RPS6KA2: variants seen among roughly 807,000 people sequenced by gnomAD.
RPS6KA2 encodes ribosomal protein S6 kinase A2.
RPS6KA2 carries 42 observed loss-of-function variants against 91.8 expected under a neutral mutation model. The ratio of observed to expected loss-of-function variants is 0.46; its 90% CI spans 0.36 to 0.59. The LOEUF is 0.59. RPS6KA2 is among the 20% of genes least tolerant of loss of function. The probability of loss-of-function intolerance (pLI) is 0.00; values close to 1 mark genes in which losing one functional copy is unlikely to be tolerated. For missense variants in RPS6KA2, 798 were observed against 978.5 expected, an observed-to-expected ratio of 0.82 and a Z score of 2.46; for synonymous variants, 414 against 393.6, an observed-to-expected ratio of 1.05 and a Z score of -0.61.
At chr6:166,473,967 T>A (rs1182274811) in intron 10 of RPS6KA2, among the ~76,000 whole-genome samples, 4 of 151,616 alleles carry the variant, frequency 2.6e-5, no homozygotes, top group Non-Finnish European at 5.9e-5. Flanking sequence ...TTTGGCCAAT[T>A]TGAAATTTCA....
exon 1 of RPS6KA2, chr6:166,862,227 G>C (rs1191256840): frequency 1.2e-6 from 2 of 1,612,414 alleles, no homozygotes; most frequent in East Asian, 2.2e-5. Flanking sequence ...GAAATAAACA[G>C]AGGCTCGGAC....
At chr6:166,649,762 C>T (rs1787790288) in intron 2 of RPS6KA2, among the ~76,000 whole-genome samples, 2 of 152,176 alleles carry the variant, frequency 1.3e-5, no homozygotes, top group African/African-American at 2.4e-5. Context: ...GGGGGGTTTT[C>T]GTTCCACATC....
intron 9 of RPS6KA2, among the ~76,000 whole-genome samples, chr6:166,489,139 GAAAGT>G (rs1391398608): frequency 6.6e-6 from 1 of 152,118 alleles, no homozygotes; most frequent in Non-Finnish European, 1.5e-5. Context: ...TACCACAGTA[GAAAGT>G]AAAGTGAGAA....
At chr6:166,653,091 C>T (rs1339927522) in intron 2 of RPS6KA2, among the ~76,000 whole-genome samples, 3 of 152,236 alleles carry the variant, frequency 2.0e-5, no homozygotes, top group East Asian at 1.9e-4. Flanking sequence ...GAGGGAGTCT[C>T]GTTCTGTCTC....
At chr6:166,442,895 G>C (rs144330310) in intron 14 of RPS6KA2, among the ~76,000 whole-genome samples, 1 of 152,302 alleles carries the variant, frequency 6.6e-6, no homozygotes, top group East Asian at 1.9e-4. Flanking sequence ...TGTGTAGACA[G>C]TTGACCCTTG....
intron 2 of RPS6KA2, among the ~76,000 whole-genome samples, chr6:166,722,671 T>C (rs139572317): frequency 6.1e-4 from 93 of 152,348 alleles, no homozygotes; most frequent in Admixed American, 5.4e-3. Flanking sequence ...TGCCCGAGCT[T>C]GTTGTGGATG....
intron 1 of RPS6KA2, among the ~76,000 whole-genome samples, chr6:166,571,252 A>G (rs1784678399): frequency 6.6e-6 from 1 of 152,250 alleles, no homozygotes; most frequent in Non-Finnish European, 1.5e-5. Flanking sequence ...GTCCTTCTCC[A>G]GTTGCCATCA....
Position 166,566,192 on chromosome 6 carries a change from C to T in RPS6KA2, c.100-27408G>A, listed in dbSNP as rs144761796. Among the ~76,000 whole-genome samples, 483 of 152,272 alleles carry T rather than the reference C, an allele frequency of 3.2e-3. 3 individuals are homozygous for T. Among genetic ancestry groups the T allele is most frequent in the African/African-American group, 9.5e-3 (396 of 41,552 alleles). On this transcript the variant is annotated intron_variant, in intron 1 of 20. Transcript: ENST00000265678. ...CTGGGACGTGATGGCCTTGGCTGGG[C>T]GCAGGCTGCTACTGCAGGGGAGGCC...
intron 2 of RPS6KA2, among the ~76,000 whole-genome samples, chr6:166,673,313 A>G (rs1040443): frequency 0.53 from 80,748 of 151,980 alleles, 22,745 homozygotes; most frequent in African/African-American, 0.73. Flanking sequence ...GGAAGCACTG[A>G]TCCTGGGTGC....
intron 14 of RPS6KA2, among the ~76,000 whole-genome samples, chr6:166,441,980 C>T (rs1430027274): frequency 1.3e-5 from 2 of 152,188 alleles, no homozygotes; most frequent in Non-Finnish European, 2.9e-5. Context: ...GGCTGCCGCT[C>T]AGCACTTACA....
intron 2 of RPS6KA2, among the ~76,000 whole-genome samples, chr6:166,687,721 A>ATT (rs1789069164): frequency 6.6e-6 from 1 of 152,244 alleles, no homozygotes; most frequent in East Asian, 1.9e-4. Context: ...GTTCAAACAA[A>ATT]TTTAAGTTGG....
Position 166,821,337 on chromosome 6 carries a change from T to C in RPS6KA2, c.123+36863A>G, listed in dbSNP as rs902211929. On this transcript the variant is annotated intron_variant, in intron 2 of 21. Coordinates refer to the RPS6KA2 transcript ENST00000503859. The surrounding 1 kb of genome is among the most constrained non-coding windows in gnomAD (Gnocchi z 4.1). ...CTTCAATTCCCTCTGGGGAGGGGCCTGGTTGTCCTCTTTGGGTGGCTTAGC... is the reference window on the plus strand; with the variant it reads ...CTTCAATTCCCTCTGGGGAGGGGCCCGGTTGTCCTCTTTGGGTGGCTTAGC... Among the ~76,000 whole-genome samples the C allele has an allele frequency of 6.6e-6, 1 of 151,994 alleles. No individual in the cohort carries two copies.
rs1421965615 is a variant in RPS6KA2, at chr6:166,493,042, T to C, written c.748-2301A>G. On this transcript the variant is annotated intron_variant, in intron 8 of 20. Coordinates refer to ENST00000265678, the MANE Select transcript of RPS6KA2 (RefSeq NM_021135.6). This position sits in a 1 kb window ranked among gnomAD's most constrained non-coding sequence, Gnocchi z 4.7. ...CCACTGCGCCTGGTCTGGTGATTTCTTTTTAGCTTTTGAAGATGATTCCCT... is the reference window on the plus strand; with the variant it reads ...CCACTGCGCCTGGTCTGGTGATTTCCTTTTAGCTTTTGAAGATGATTCCCT... Among the ~76,000 whole-genome samples the C allele has an allele frequency of 6.6e-6, 1 of 152,136 alleles. No homozygotes were observed. Among genetic ancestry groups the C allele is most frequent in the Non-Finnish European group, 1.5e-5 (1 of 68,016 alleles).
rs1454385628 is a variant in RPS6KA2 at position 166,746,435 on chromosome 6, C to T, written c.123+111765G>A. 4.6e-5 allele frequency among the ~76,000 whole-genome samples: 7 copies of T among 152,190 alleles called. No homozygotes were observed. In the South Asian group the frequency reaches 1.4e-3, roughly 32 times the overall value. On this transcript the variant is annotated intron_variant, in intron 2 of 21. Coordinates refer to the RPS6KA2 transcript ENST00000503859. ...AAGTGTTTATCCTACTCTGTACTCT[C>T]AGGCAATACCACATTTCACCTGCAG...
chr6:166,437,484 C>T lies in RPS6KA2; in HGVS notation c.1333-4994G>A, dbSNP rs1020858955. Among the ~76,000 whole-genome samples the T allele has an allele frequency of 2.0e-5, 3 of 152,176 alleles. No homozygotes were observed. The highest frequency in any genetic ancestry group is 2.1e-4 in the South Asian group (1 of 4,826). ...TGTCGTGGGGCGGGGGACAAGCTCGCTCAGCTTTCTTTTTCTCATCTGGCA... is the reference window on the plus strand; with the variant it reads ...TGTCGTGGGGCGGGGGACAAGCTCGTTCAGCTTTCTTTTTCTCATCTGGCA... On this transcript the variant is annotated intron_variant, in intron 14 of 20. Coordinates refer to ENST00000265678, the MANE Select transcript of RPS6KA2 (RefSeq NM_021135.6). The surrounding 1 kb of genome is among the most constrained non-coding windows in gnomAD (Gnocchi z 4.3).
At chr6:166,722,081 A>G (rs1404198084) in intron 2 of RPS6KA2, among the ~76,000 whole-genome samples, 1 of 152,220 alleles carries the variant, frequency 6.6e-6, no homozygotes, top group Non-Finnish European at 1.5e-5. Flanking sequence ...ATCAGAATAT[A>G]ATACAATCAG....
At chr6:166,652,102 T>A (rs1787871675) in intron 2 of RPS6KA2, among the ~76,000 whole-genome samples, 1 of 152,270 alleles carries the variant, frequency 6.6e-6, no homozygotes, top group African/African-American at 2.4e-5. Flanking sequence ...TTTTTGAACA[T>A]CTTCACATAT....
rs1562429634 is a variant in RPS6KA2 at position 166,770,867 on chromosome 6, A to G, written c.123+87333T>C. On this transcript the variant is annotated intron_variant, in intron 2 of 21. Coordinates refer to the RPS6KA2 transcript ENST00000503859. The surrounding 1 kb of genome is among the most constrained non-coding windows in gnomAD (Gnocchi z 5.1). ...ACCCACAGGAACGCTTCTTACCTCT[A>G]CGGATCCAGCTACCTTTGTCTTGCA... The G allele has an allele frequency of 1.3e-6, 2 of 1,596,080 alleles. No individual in the cohort carries two copies. Among genetic ancestry groups the G allele is most frequent in the Non-Finnish European group, 1.7e-6 (2 of 1,179,274 alleles).
At chr6:166,672,755 C>G (rs1441441344) in intron 2 of RPS6KA2, among the ~76,000 whole-genome samples, 1 of 152,236 alleles carries the variant, frequency 6.6e-6, no homozygotes, top group Admixed American at 6.5e-5. Flanking sequence ...CCACCATCCC[C>G]TGTGTCCCAG....
Sources: allele counts gnomAD v4.1 joint callset (sites outside exome capture counted in the v4.1 genomes callset), GRCh38; gene constraint gnomAD v4.1.1; non-coding constraint Gnocchi (gnomAD v3.1); transcripts MANE v1.5; gene names NCBI Gene and HGNC (gene_info 2026-07-23, HGNC 2026-07-21).